ARHGEF38: variants seen among roughly 807,000 people sequenced by gnomAD.
ARHGEF38 encodes the protein Rho guanine nucleotide exchange factor (GEF) 38.
A neutral mutation model predicts 79.9 loss-of-function variants in ARHGEF38; 79 were observed. The ratio of observed to expected loss-of-function variants is 0.99; its 90% CI spans 0.82 to 1.19. ARHGEF38 has a LOEUF of 1.19. ARHGEF38 is among the 50% of genes most tolerant of loss of function. The probability of loss-of-function intolerance (pLI) is 0.00; values close to 1 mark genes in which losing one functional copy is unlikely to be tolerated. For missense variants in ARHGEF38, 962 were observed against 907.2 expected (o/e 1.06, Z -0.78); for synonymous variants, 366 against 328.3 (o/e 1.11, Z -1.24).
At chr4:105,580,004 C>A (rs1318500634) in intron 1 of ARHGEF38, among the ~76,000 whole-genome samples, 2 of 152,032 alleles carry the variant, frequency 1.3e-5, no homozygotes, top group African/African-American at 4.8e-5. Flanking sequence ...TCTAGATTTT[C>A]TAGTTTGTGT....
Position 105,677,760 on chromosome 4 carries a change from T to C in ARHGEF38, c.2157T>C (p.Tyr719=). 1 of 1,464,850 alleles carries C rather than the reference T, an allele frequency of 6.8e-7. No homozygotes were observed. Among genetic ancestry groups the C allele is most frequent in the Non-Finnish European group, 9.1e-7 (1 of 1,102,802 alleles). The allele number at this position is 1,464,850 out of a possible 1,614,324, so 90.7% of individuals were successfully genotyped here. A position where few individuals can be genotyped will look rare whatever the true frequency, so the allele number is the denominator to read the frequency against. ...SFQEVDEQIF[Y]AVHAFQARSD... ...TTTGTTTCTTTGTCTAGATTTTCTATGCAGTTCATGCTTTTCAAGCACGGA... is the reference window on the plus strand; with the variant it reads ...TTTGTTTCTTTGTCTAGATTTTCTACGCAGTTCATGCTTTTCAAGCACGGA... Residue 719 remains tyrosine (Y), a synonymous_variant, in exon 14 of 14, where the codon TAT becomes TAC. Transcript: ENST00000420470.
chr4:105,561,389 A>G (rs1292968333), intron 1 of ARHGEF38, among the ~76,000 whole-genome samples: 1 of 13,354 alleles, frequency 7.5e-5, no homozygotes, highest in Admixed American at 1.4e-3. Context: ...AGTCTCAAAA[A>G]TAGAGTAGAA....
chr4:105,599,785 A>C (rs2110473567), intron 2 of ARHGEF38, among the ~76,000 whole-genome samples: 1 of 152,322 alleles, frequency 6.6e-6, no homozygotes, highest in African/African-American at 2.4e-5. Flanking sequence ...CACTTATGTA[A>C]GGCACTTTAG....
intron 1 of ARHGEF38, among the ~76,000 whole-genome samples, chr4:105,582,762 A>G (rs1254035439): frequency 6.6e-6 from 1 of 152,156 alleles, no homozygotes; most frequent in Admixed American, 6.5e-5. Context: ...CACTATTAAG[A>G]CTGATTTGTC....
Position 105,678,257 on chromosome 4 carries a change from A to T in ARHGEF38, c.*320A>T, listed in dbSNP as rs893055001. 12 of 208,206 alleles carry T rather than the reference A, an allele frequency of 5.8e-5. No individual in the cohort carries two copies. The highest frequency in any genetic ancestry group is 4.4e-4 in the Admixed American group (8 of 18,020). 12.9% of individuals were successfully genotyped at this position (208,206 alleles called of 1,614,324 possible). A position where few individuals can be genotyped will look rare whatever the true frequency, so the allele number is the denominator to read the frequency against. On this transcript the variant is annotated 3_prime_UTR_variant, in exon 14 of 14. Coordinates refer to ENST00000420470, the MANE Select transcript of ARHGEF38 (RefSeq NM_001242729.2). Reference sequence around the variant, plus strand: ...TATCATCAAGAAAGGTTGGATCCAAAGGTTTTTCAATTTACTTTTTTTTTT... The same window carrying T: ...TATCATCAAGAAAGGTTGGATCCAATGGTTTTTCAATTTACTTTTTTTTTT...
intron 5 of ARHGEF38, among the ~76,000 whole-genome samples, chr4:105,637,313 A>T (rs1655825134): frequency 6.6e-6 from 1 of 152,196 alleles, no homozygotes; most frequent in African/African-American, 2.4e-5. Flanking sequence ...GGCATCATAC[A>T]GATCTGTAGA....
intron 1 of ARHGEF38, among the ~76,000 whole-genome samples, chr4:105,559,002 A>C (rs1725387157): frequency 6.6e-6 from 1 of 151,836 alleles, no homozygotes; most frequent in African/African-American, 2.4e-5. Context: ...TGGGAGAGAG[A>C]AAAGCACCCA....
At chr4:105,576,432 TG>T (rs1726505442) in intron 1 of ARHGEF38, among the ~76,000 whole-genome samples, 1 of 150,852 alleles carries the variant, frequency 6.6e-6, no homozygotes, top group Admixed American at 6.6e-5. Flanking sequence ...TTGCAGCCAT[TG>T]TAAAAGGGAT....
chr4:105,642,140 G>A (rs1729644667), intron 5 of ARHGEF38, among the ~76,000 whole-genome samples: 2 of 152,142 alleles, frequency 1.3e-5, no homozygotes, highest in South Asian at 4.1e-4. Context: ...GAATCTTACT[G>A]TGGGAGATTA....
In ARHGEF38 at chr4:105,678,098, T is replaced by C; in HGVS notation, c.*161T>C. The C allele has an allele frequency of 2.0e-6, 1 of 512,194 alleles. No homozygotes were observed. The highest frequency in any genetic ancestry group is 3.3e-6 in the Non-Finnish European group (1 of 305,322). 31.7% of individuals were successfully genotyped at this position (512,194 alleles called of 1,614,324 possible). A position where few individuals can be genotyped will look rare whatever the true frequency, so the allele number is the denominator to read the frequency against. Reference sequence around the variant, plus strand: ...AATACTGTACTTCCTAACAGGATTATTGCATGAATGTATTATAAAGGATAC... The same window carrying C: ...AATACTGTACTTCCTAACAGGATTACTGCATGAATGTATTATAAAGGATAC... On this transcript the variant is annotated 3_prime_UTR_variant, in exon 14 of 14. Coordinates refer to ENST00000420470, the MANE Select transcript of ARHGEF38 (RefSeq NM_001242729.2).
At chr4:105,581,006 T>C (rs1196036130) in intron 1 of ARHGEF38, among the ~76,000 whole-genome samples, 2 of 152,110 alleles carry the variant, frequency 1.3e-5, no homozygotes, top group African/African-American at 4.8e-5. Context: ...GAGAGTTCTG[T>C]AGAGGTCTAG....
chr4:105,647,189 C>T (rs1173810683), intron 6 of ARHGEF38, among the ~76,000 whole-genome samples: 1 of 152,056 alleles, frequency 6.6e-6, no homozygotes, highest in East Asian at 1.9e-4. Context: ...AAATTCTTCC[C>T]TTCCCACCAT....
At chr4:105,633,172 A>G (rs1578330768) in intron 4 of ARHGEF38, 1 of 152,406 alleles carries the variant, frequency 6.6e-6, no homozygotes, top group African/African-American at 2.4e-5. Flanking sequence ...AAAAAAGCCA[A>G]AAGAAGCAGT....
chr4:105,646,973 T>G (rs1729869026), intron 6 of ARHGEF38, among the ~76,000 whole-genome samples: 1 of 152,142 alleles, frequency 6.6e-6, no homozygotes, highest in Non-Finnish European at 1.5e-5. Context: ...ACAGATATTA[T>G]AAGCCCCAAT....
At chr4:105,616,545 G>T (rs1458301553) in intron 3 of ARHGEF38, among the ~76,000 whole-genome samples, 2 of 151,932 alleles carry the variant, frequency 1.3e-5, no homozygotes, top group African/African-American at 4.8e-5. Context: ...AACAGCAAGG[G>T]GAAAGTCCAC....
At chr4:105,641,136 T>TTTTTCTA (rs1460995969) in intron 5 of ARHGEF38, among the ~76,000 whole-genome samples, 1 of 152,178 alleles carries the variant, frequency 6.6e-6, no homozygotes, top group Non-Finnish European at 1.5e-5. Context: ...TTCTCATTTT[T>TTTTTCTA]TTTTCTATTT....
rs1255717001 is a variant in ARHGEF38, at chr4:105,554,944, G to C, written c.196+1983G>C. ...CCCATTGCTTTATCCCTAATGACAT[G>C]TTTTTTCTGTCTGAGTTTCACTAAT... On this transcript the variant is annotated intron_variant, in intron 1 of 13. Coordinates refer to ENST00000420470, the MANE Select transcript of ARHGEF38 (RefSeq NM_001242729.2). 3.3e-5 allele frequency among the ~76,000 whole-genome samples: 5 copies of C among 151,952 alleles called. No homozygotes were observed. The East Asian group carries it at 9.6e-4, about 29-fold the overall frequency.
intron 6 of ARHGEF38, 55 bp from the exon 7 acceptor site, chr4:105,648,494 G>A: frequency 7.1e-7 from 1 of 1,407,118 alleles, no homozygotes; most frequent in South Asian, 1.6e-5. Context: ...TGGGTGAAGT[G>A]CACACTTTCT....
Position 105,643,979 on chromosome 4 carries a change from A to T in ARHGEF38, c.675-1209A>T, listed in dbSNP as rs1274275577. On this transcript the variant is annotated intron_variant, in intron 5 of 13. Coordinates refer to ENST00000420470, the MANE Select transcript of ARHGEF38 (RefSeq NM_001242729.2). ...CCTCCCCAGCTTAAGCAATCTGCCC[A>T]CCTCAGCCTCCCAAGTATCTGAGAC... is the stretch of plus-strand genomic sequence containing the variant. 3.7e-5 allele frequency among the ~76,000 whole-genome samples: 5 copies of T among 135,440 alleles called. No individual in the cohort carries two copies. The Admixed American group carries it at 4.2e-4, about 11-fold the overall frequency. 88.9% of individuals were successfully genotyped at this position (135,440 alleles called of 152,430 possible).
Sources: gnomAD v4.1 joint callset for allele counts (sites outside exome capture counted in the v4.1 genomes callset) on GRCh38, gnomAD v4.1.1 for gene constraint, MANE v1.5 for transcripts, NCBI Gene and HGNC (gene_info 2026-07-23, HGNC 2026-07-21) for gene names.